The following IGF2BP1 variants were observed in gnomAD, a reference collection of about 807,000 sequenced individuals.
IGF2BP1 encodes insulin like growth factor 2 mRNA binding protein 1.
IGF2BP1 carries 11 observed loss-of-function variants against 74.9 expected under a neutral mutation model. The ratio of observed to expected loss-of-function variants is 0.15; its 90% CI spans 0.09 to 0.24. The LOEUF (loss-of-function observed/expected upper bound fraction) is 0.24. IGF2BP1 is among the 10% of genes least tolerant of loss of function. The pLI, the probability that IGF2BP1 is intolerant of heterozygous loss-of-function variation, is 1.00. For missense variants in IGF2BP1, 440 were observed against 757.4 expected (o/e 0.58, Z 4.92); for synonymous variants, 287 against 281.8 (o/e 1.02, Z -0.18).
At chr17:49,009,037 G>GTT (rs959757650) in intron 2 of IGF2BP1, among the ~76,000 whole-genome samples, 1 of 151,572 alleles carries the variant, frequency 6.6e-6, no homozygotes, top group Non-Finnish European at 1.5e-5. Context: ...TTTTGTTTCT[G>GTT]TTTTTTTTGA....
intron 6 of IGF2BP1, 87 bp downstream of exon 6, chr17:49,038,536 A>T: frequency 7.8e-7 from 1 of 1,277,852 alleles, no homozygotes; most frequent in Non-Finnish European, 1.0e-6. Flanking sequence ...CATGCTGGAG[A>T]CATCAACATT....
rs138614964 is a variant in IGF2BP1, at chr17:49,012,621, G to A, written c.237-12997G>A. On this transcript the variant is annotated intron_variant, in intron 2 of 14. Coordinates refer to ENST00000290341, the MANE Select transcript of IGF2BP1 (RefSeq NM_006546.4). The stretch of plus-strand genomic sequence containing the variant: ...AATGGGAGCTTGAGGGGAAGGTCAG[G>A]GATTGAGATGCTTCCCTTTCCCTCC... The A allele has an allele frequency of 3.2e-3, 483 of 152,232 alleles. 2 individuals are homozygous for A. The highest frequency in any genetic ancestry group is 5.4e-3 in the Non-Finnish European group (366 of 68,038). 9.4% of individuals were successfully genotyped at this position (152,232 alleles called of 1,614,324 possible). A position where few individuals can be genotyped will look rare whatever the true frequency, so the allele number is the denominator to read the frequency against.
At chr17:49,026,001 G>A (rs1359111112) in intron 3 of IGF2BP1, among the ~76,000 whole-genome samples, 6 of 151,680 alleles carry the variant, frequency 4.0e-5, no homozygotes, top group African/African-American at 7.3e-5. Flanking sequence ...GATTACAGGC[G>A]TGTACCCCCA....
chr17:49,049,648 C>G lies in IGF2BP1; in HGVS notation c.*204C>G, dbSNP rs925593570. 1 of 538,408 alleles carries G rather than the reference C, an allele frequency of 1.9e-6. No individual in the cohort carries two copies. Among genetic ancestry groups the G allele is most frequent in the African/African-American group, 1.9e-5 (1 of 52,006 alleles). The allele number at this position is 538,408 out of a possible 1,614,324, so 33.4% of individuals were successfully genotyped here. A position where few individuals can be genotyped will look rare whatever the true frequency, so the allele number is the denominator to read the frequency against. ...AAACACCCACCCAATTGGCCCAACA[C>G]TGTCTGCCCCTCGGGGTGTCAGAAA... On this transcript the variant is annotated 3_prime_UTR_variant, in exon 15 of 15. Transcript: ENST00000290341.
At chr17:49,034,775 G>A (rs183503785) in intron 5 of IGF2BP1, among the ~76,000 whole-genome samples, 254 of 148,072 alleles carry the variant, frequency 1.7e-3, no homozygotes, top group Non-Finnish European at 3.1e-3. Flanking sequence ...CAAAAAAAAC[G>A]AAAAACCAAA....
At chr17:49,039,300 T>A (rs2042023073) in intron 6 of IGF2BP1, among the ~76,000 whole-genome samples, 1 of 152,214 alleles carries the variant, frequency 6.6e-6, no homozygotes, top group Admixed American at 6.5e-5. Context: ...TCTTTATATT[T>A]GTTTCAAGGG....
At chr17:49,000,678 T>C (rs1350953485) in intron 2 of IGF2BP1, among the ~76,000 whole-genome samples, 1 of 152,204 alleles carries the variant, frequency 6.6e-6, no homozygotes, top group East Asian at 1.9e-4. Context: ...AATTCTAAAA[T>C]ATGTGGATTT....
At chr17:49,006,747 T>C in intron 2 of IGF2BP1, among the ~76,000 whole-genome samples, 1 of 152,194 alleles carries the variant, frequency 6.6e-6, no homozygotes, top group African/African-American at 2.4e-5. Context: ...GATCTGTGCG[T>C]AGGGTGCTTT....
At chr17:49,029,449 C>T (rs2041896356) in intron 4 of IGF2BP1, among the ~76,000 whole-genome samples, 1 of 152,130 alleles carries the variant, frequency 6.6e-6, no homozygotes, top group African/African-American at 2.4e-5. Flanking sequence ...CCACTGTACT[C>T]CAGCCTGGAT....
chr17:49,010,371 C>T (rs890893176), intron 2 of IGF2BP1, among the ~76,000 whole-genome samples: 5 of 135,496 alleles, frequency 3.7e-5, no homozygotes, highest in African/African-American at 1.4e-4. Context: ...GGCTGGAGTG[C>T]AGGGGCACGA....
At chr17:49,048,960 T>C (rs755320712) in intron 14 of IGF2BP1, among the ~76,000 whole-genome samples, 9 of 150,534 alleles carry the variant, frequency 6.0e-5, no homozygotes, top group Non-Finnish European at 1.2e-4. Context: ...GCCAGAACAG[T>C]TGGGGACCAC....
At chr17:49,023,050 T>G (rs1425102817) in intron 2 of IGF2BP1, among the ~76,000 whole-genome samples, 2 of 152,244 alleles carry the variant, frequency 1.3e-5, no homozygotes, top group African/African-American at 4.8e-5. Flanking sequence ...TTTCCTCATT[T>G]CTTCCGGCAG....
At chr17:49,046,230 C>A in intron 13 of IGF2BP1, 30 bp from the exon 14 acceptor site, 1 of 1,582,482 alleles carries the variant, frequency 6.3e-7, no homozygotes, top group Non-Finnish European at 8.7e-7. Flanking sequence ...TTCTTGATGG[C>A]ACCCTGAGCT....
At chr17:49,044,455 G>A (rs912377591) in intron 11 of IGF2BP1, among the ~76,000 whole-genome samples, 3 of 152,208 alleles carry the variant, frequency 2.0e-5, no homozygotes. Flanking sequence ...CGCAGCCAAA[G>A]CCCTTCGCTC....
chr17:49,028,839 A>T (rs2041886993), intron 4 of IGF2BP1, among the ~76,000 whole-genome samples: 1 of 151,926 alleles, frequency 6.6e-6, no homozygotes, highest in Non-Finnish European at 1.5e-5. Flanking sequence ...ATGGAGTCTC[A>T]CTCTGTTACC....
At chr17:48,998,497 A>G (rs1033760898) in intron 1 of IGF2BP1, among the ~76,000 whole-genome samples, 3 of 151,484 alleles carry the variant, frequency 2.0e-5, no homozygotes, top group Non-Finnish European at 4.4e-5. Flanking sequence ...GTGGGGCGTG[A>G]GCGGGGTGGC....
At chr17:49,008,948 T>C (rs1316081552) in intron 2 of IGF2BP1, among the ~76,000 whole-genome samples, 1 of 152,044 alleles carries the variant, frequency 6.6e-6, no homozygotes, top group African/African-American at 2.4e-5. Context: ...ATATGCCCTT[T>C]GCTAGGTATT....
chr17:49,032,083 C>T, intron 5 of IGF2BP1, 110 bp downstream of exon 5: 1 of 930,060 alleles, frequency 1.1e-6, no homozygotes, highest in East Asian at 2.4e-5. Context: ...GCTGGGTCCC[C>T]ATCCAGGGTT....
chr17:49,019,343 G>C (rs570523569), intron 2 of IGF2BP1, among the ~76,000 whole-genome samples: 1 of 152,008 alleles, frequency 6.6e-6, no homozygotes, highest in African/African-American at 2.4e-5. Flanking sequence ...AGCTCCTCAA[G>C]GTTCTGGATT....
Sources: gnomAD v4.1 joint callset for allele counts (sites outside exome capture counted in the v4.1 genomes callset) on GRCh38, gnomAD v4.1.1 for gene constraint, MANE v1.5 for transcripts, NCBI Gene and HGNC (gene_info 2026-07-23, HGNC 2026-07-21) for gene names.